The following NRCAM variants were observed in gnomAD, a reference collection of about 807,000 sequenced individuals.
NRCAM encodes the protein neuronal cell adhesion molecule, also known as NgCAM-related cell adhesion molecule.
In NRCAM, 83 loss-of-function variants were observed where a neutral mutation model predicts 156.5. The observed-to-expected ratio is 0.53, with a 90% CI of 0.44 to 0.64. The LOEUF is 0.64. Among genes scored for constraint, NRCAM ranks in the 30% least tolerant of loss-of-function variants. The probability of loss-of-function intolerance (pLI) is 0.00; values close to 1 mark genes in which losing one functional copy is unlikely to be tolerated. For synonymous variants in NRCAM, 538 were observed against 563.9 expected (o/e 0.95, Z 0.65); for missense variants, 1,417 against 1,597.3 (o/e 0.89, Z 1.92).
chr7:108,166,247 T>A (rs2054082571), intron 30 of NRCAM, among the ~76,000 whole-genome samples: 2 of 143,832 alleles, frequency 1.4e-5, no homozygotes, highest in Non-Finnish European at 3.0e-5. Flanking sequence ...TTCTTTCTTT[T>A]CTTTTTTTTT....
intron 3 of NRCAM, among the ~76,000 whole-genome samples, chr7:108,263,625 C>A (rs115951212): frequency 6.6e-6 from 1 of 152,210 alleles, no homozygotes; most frequent in African/African-American, 2.4e-5. Flanking sequence ...AACCCTTACC[C>A]CTACCATGAG....
At chr7:108,302,129 T>A (rs2098634543) in intron 3 of NRCAM, among the ~76,000 whole-genome samples, 1 of 152,066 alleles carries the variant, frequency 6.6e-6, no homozygotes, top group Non-Finnish European at 1.5e-5. Context: ...CAAATTTGTC[T>A]GCTTAGTAAT....
At chr7:108,195,451 C>CTCCCTCTAT (rs67313886) in intron 15 of NRCAM, among the ~76,000 whole-genome samples, 1 of 151,382 alleles carries the variant, frequency 6.6e-6, no homozygotes, top group Admixed American at 6.6e-5. Flanking sequence ...TGGTGAAACC[C>CTCCCTCTAT]TAAAAATACA....
At chr7:108,239,925 C>T (rs1346536313) in intron 4 of NRCAM, 34 bp downstream of exon 4, 8 of 1,389,068 alleles carry the variant, frequency 5.8e-6, no homozygotes, top group Non-Finnish European at 8.2e-6. Flanking sequence ...GCTTTGACTC[C>T]TGGGCCTAAC....
intron 2 of NRCAM, among the ~76,000 whole-genome samples, chr7:108,357,332 A>T (rs2099511410): frequency 7.0e-6 from 1 of 142,238 alleles, no homozygotes; most frequent in Admixed American, 7.2e-5. Flanking sequence ...AGGTGGGGCC[A>T]ACTTTTTTTT....
chr7:108,268,657 G>A, intron 3 of NRCAM, among the ~76,000 whole-genome samples: 1 of 150,190 alleles, frequency 6.7e-6, no homozygotes, highest in Non-Finnish European at 1.5e-5. Flanking sequence ...GCGGTGGCGG[G>A]AAGAGGACAT....
At chr7:108,441,779 C>T (rs551838001) in intron 1 of NRCAM, among the ~76,000 whole-genome samples, 76 of 152,256 alleles carry the variant, frequency 5.0e-4, no homozygotes, top group African/African-American at 1.8e-3. Context: ...TGGCCTGCCG[C>T]CAATTTTGAA....
At chr7:108,255,195 C>T (rs1172337070) in intron 3 of NRCAM, among the ~76,000 whole-genome samples, 1 of 132,290 alleles carries the variant, frequency 7.6e-6, no homozygotes, top group Non-Finnish European at 1.6e-5. Flanking sequence ...TCCCACTTTC[C>T]ACGGTCTCCC....
intron 3 of NRCAM, among the ~76,000 whole-genome samples, chr7:108,303,355 C>T (rs1332082104): frequency 1.3e-5 from 2 of 152,168 alleles, no homozygotes; most frequent in Non-Finnish European, 2.9e-5. Flanking sequence ...ATTCTTCATT[C>T]TCAGTTGGCA....
chr7:108,340,032 A>G lies in NRCAM; in HGVS notation c.-173-27301T>C, dbSNP rs1242639520. On this transcript the variant is annotated intron_variant, in intron 2 of 32. Transcript: ENST00000379028. ...TGTAGAAAAGAAGGCAAATGGAGTG[A>G]AGTGCCATATGTACAAACTTTCTTT... is the stretch of plus-strand genomic sequence containing the variant. Among the ~76,000 whole-genome samples, 3 of 152,216 alleles carry G rather than the reference A, an allele frequency of 2.0e-5. No individual in the cohort carries two copies. In the East Asian group the frequency reaches 5.8e-4, roughly 29 times the overall value.
At chr7:108,354,341 C>T (rs1005229935) in intron 2 of NRCAM, among the ~76,000 whole-genome samples, 2 of 152,134 alleles carry the variant, frequency 1.3e-5, no homozygotes, top group African/African-American at 4.8e-5. Flanking sequence ...TTATCAAAAA[C>T]TTACAGTAAA....
Position 108,215,982 on chromosome 7 carries a change from G to C in NRCAM, c.891-6377C>G, listed in dbSNP as rs140053389. ...TGCTAGCTGGTTATTCTGCGCGTTAGTTGATGCAGTTTCTTCATAGTGTCG... is the reference window on the plus strand; with the variant it reads ...TGCTAGCTGGTTATTCTGCGCGTTACTTGATGCAGTTTCTTCATAGTGTCG... On this transcript the variant is annotated intron_variant, in intron 11 of 32. Transcript: ENST00000379028. Among the ~76,000 whole-genome samples the C allele has an allele frequency of 1.7e-4, 26 of 152,298 alleles. No homozygotes were observed. In the Middle Eastern group the frequency reaches 0.017, roughly 100 times the overall value.
At chr7:108,443,617 C>T (rs1364474472) in intron 1 of NRCAM, among the ~76,000 whole-genome samples, 2 of 152,164 alleles carry the variant, frequency 1.3e-5, no homozygotes, top group African/African-American at 4.8e-5. Flanking sequence ...AGCCTTGGCA[C>T]CTGTAGAGAC....
intron 1 of NRCAM, among the ~76,000 whole-genome samples, chr7:108,441,126 T>G (rs1838047725): frequency 6.6e-6 from 1 of 152,210 alleles, no homozygotes; most frequent in Non-Finnish European, 1.5e-5. Flanking sequence ...AATAAAAACC[T>G]TTAGAATTCT....
At chr7:108,298,592 G>A (rs1407949954) in intron 3 of NRCAM, among the ~76,000 whole-genome samples, 1 of 151,672 alleles carries the variant, frequency 6.6e-6, no homozygotes, top group Non-Finnish European at 1.5e-5. Flanking sequence ...GGCAGACCTT[G>A]CAGTGAGCCG....
At chr7:108,305,764 C>T (rs190592483) in intron 3 of NRCAM, among the ~76,000 whole-genome samples, 10 of 152,306 alleles carry the variant, frequency 6.6e-5, no homozygotes, top group Admixed American at 6.5e-4. Flanking sequence ...AAATGCATAT[C>T]TAATTATACA....
At chr7:108,400,266 T>A (rs980158619) in intron 1 of NRCAM, among the ~76,000 whole-genome samples, 2 of 152,214 alleles carry the variant, frequency 1.3e-5, no homozygotes, top group Non-Finnish European at 2.9e-5. Flanking sequence ...ATCTCACTTT[T>A]ATGAGAGAGG....
At chr7:108,210,630 C>G (rs2083670385) in intron 11 of NRCAM, among the ~76,000 whole-genome samples, 1 of 152,160 alleles carries the variant, frequency 6.6e-6, no homozygotes, top group Admixed American at 6.5e-5. Flanking sequence ...CTTTAGAATT[C>G]CAACCCTGTC....
intron 2 of NRCAM, among the ~76,000 whole-genome samples, chr7:108,387,896 T>C (rs2099746328): frequency 6.6e-6 from 1 of 152,186 alleles, no homozygotes; most frequent in Non-Finnish European, 1.5e-5. Context: ...ACTCATCCTT[T>C]TTTATGGCTG....
Sources: allele counts gnomAD v4.1 joint callset (sites outside exome capture counted in the v4.1 genomes callset), GRCh38; gene constraint gnomAD v4.1.1; transcripts MANE v1.5; gene names NCBI Gene and HGNC (gene_info 2026-07-23, HGNC 2026-07-21).